The following GPR39 variants were observed in gnomAD, a reference collection of about 807,000 sequenced individuals.
The protein encoded by GPR39 is zinc sensing receptor.
A neutral mutation model predicts 18.4 loss-of-function variants in GPR39; 23 were observed. That is an observed-to-expected ratio of 1.25 (90% CI 0.90 to 1.77). The LOEUF (loss-of-function observed/expected upper bound fraction) is 1.77, where lower values mean the gene tolerates loss of function less well. Among genes scored for constraint, GPR39 ranks in the 40% most tolerant of loss-of-function variants. The pLI is 0.00. For missense variants in GPR39, 647 were observed against 602.4 expected, an observed-to-expected ratio of 1.07 and a Z score of -0.78; for synonymous variants, 280 against 257.9, an observed-to-expected ratio of 1.09 and a Z score of -0.82.
At chr2:132,450,102 T>C (rs539791867) in intron 1 of GPR39, among the ~76,000 whole-genome samples, 2 of 152,334 alleles carry the variant, frequency 1.3e-5, no homozygotes, top group South Asian at 2.1e-4. Context: ...TGTTCCAATA[T>C]ACTTTGCTTA....
chr2:132,530,139 C>G (rs1022414760), intron 1 of GPR39, among the ~76,000 whole-genome samples: 25 of 152,052 alleles, frequency 1.6e-4, no homozygotes, highest in African/African-American at 5.8e-4. Flanking sequence ...ACTAGAATAA[C>G]CAATGCAGAG....
chr2:132,601,675 C>G (rs191103594), intron 1 of GPR39, among the ~76,000 whole-genome samples: 11 of 152,116 alleles, frequency 7.2e-5, no homozygotes, highest in African/African-American at 2.4e-4. Flanking sequence ...ATAGGAAAGC[C>G]TAAAGACTTC....
intron 1 of GPR39, among the ~76,000 whole-genome samples, chr2:132,534,343 G>A (rs1679701544): frequency 6.6e-6 from 1 of 150,500 alleles, no homozygotes; most frequent in Admixed American, 6.7e-5. Context: ...GAAACAACAG[G>A]TGCTGGAGAG....
At chr2:132,638,247 C>T (rs916620724) in intron 1 of GPR39, among the ~76,000 whole-genome samples, 2 of 152,108 alleles carry the variant, frequency 1.3e-5, no homozygotes, top group Admixed American at 6.5e-5. Context: ...GAGTTTGGAG[C>T]TACCGTCTGC....
intron 1 of GPR39, among the ~76,000 whole-genome samples, chr2:132,544,989 G>C (rs181966968): frequency 4.0e-4 from 61 of 152,340 alleles, no homozygotes; most frequent in Middle Eastern, 3.4e-3. Flanking sequence ...GGTGAAGCGT[G>C]GGGAACAATC....
rs760895092 is a variant in GPR39, at chr2:132,646,259, C to T, written c.*653C>T. The T allele has an allele frequency of 2.6e-6, 4 of 1,562,778 alleles. No homozygotes were observed. The South Asian group carries it at 4.8e-5, about 19-fold the overall frequency. On this transcript the variant is annotated 3_prime_UTR_variant, in exon 2 of 2. Transcript: ENST00000329321. ...GATGAGACAGGCCGCTGATGATGCA[C>T]AGGACTTGCGGTACATGATCCCTGT...
intron 1 of GPR39, among the ~76,000 whole-genome samples, chr2:132,593,607 A>T (rs1680885198): frequency 6.6e-6 from 1 of 152,180 alleles, no homozygotes; most frequent in Admixed American, 6.5e-5. Flanking sequence ...GAACAAATGG[A>T]AAGATGGGGT....
At chr2:132,463,703 T>A (rs1002850899) in intron 1 of GPR39, among the ~76,000 whole-genome samples, 3 of 152,220 alleles carry the variant, frequency 2.0e-5, no homozygotes, top group Non-Finnish European at 2.9e-5. Flanking sequence ...TTATTAGTTA[T>A]GTATTGCTAT....
rs1679978290 is a variant in GPR39 at position 132,420,015 on chromosome 2, T to C, written c.856+2117T>C. ...AAAATCAGAATGCCACAGACTTTTA[T>C]TTAGAGATGGATAGGACCTTGGAGA... On this transcript the variant is annotated intron_variant, in intron 1 of 1. Transcript: ENST00000329321. Among the ~76,000 whole-genome samples the C allele has an allele frequency of 1.3e-5, 2 of 152,232 alleles. 1 individual carries two copies. The highest frequency in any genetic ancestry group is 1.3e-4 in the Admixed American group (2 of 15,288).
intron 1 of GPR39, among the ~76,000 whole-genome samples, chr2:132,469,768 G>A (rs1483441396): frequency 1.3e-5 from 2 of 152,176 alleles, no homozygotes; most frequent in African/African-American, 2.4e-5. Flanking sequence ...AGCCTCTCCC[G>A]AGCACCTGCT....
At chr2:132,465,308 A>G (rs949884243) in intron 1 of GPR39, among the ~76,000 whole-genome samples, 4 of 152,202 alleles carry the variant, frequency 2.6e-5, no homozygotes, top group Admixed American at 6.5e-5. Context: ...CCTTGCTTCT[A>G]AACCAGGTGT....
intron 1 of GPR39, among the ~76,000 whole-genome samples, chr2:132,633,590 C>G (rs1681691841): frequency 6.6e-6 from 1 of 152,112 alleles, no homozygotes; most frequent in Admixed American, 6.5e-5. Context: ...TCCTGTGGTT[C>G]TAGTCAGCCT....
chr2:132,513,394 C>T (rs1210367837), intron 1 of GPR39, among the ~76,000 whole-genome samples: 2 of 151,736 alleles, frequency 1.3e-5, no homozygotes, highest in Non-Finnish European at 2.9e-5. Context: ...ACCTGGGAGG[C>T]GGAGTTTGCA....
intron 1 of GPR39, among the ~76,000 whole-genome samples, chr2:132,625,960 CGTG>C (rs1235600968): frequency 6.6e-6 from 1 of 151,818 alleles, no homozygotes; most frequent in Non-Finnish European, 1.5e-5. Flanking sequence ...ATTATCTGGG[CGTG>C]GTGGTGGGTG....
chr2:132,432,269 G>A (rs568045593), intron 1 of GPR39, among the ~76,000 whole-genome samples: 31 of 152,232 alleles, frequency 2.0e-4, no homozygotes, highest in Middle Eastern at 3.4e-3. Flanking sequence ...CTGACTTCTC[G>A]CTGTGTCCTC....
In GPR39 at chr2:132,645,686, T is replaced by G. The variant is rs1682030283; in HGVS notation, c.*80T>G. On this transcript the variant is annotated 3_prime_UTR_variant, in exon 2 of 2. Coordinates refer to ENST00000329321, the MANE Select transcript of GPR39 (RefSeq NM_001508.3). ...TCACTCTCACTCTGCAGTCTCAAACTATGCCCCCATCAGGGATGGAATGGA... is the reference window on the plus strand; with the variant it reads ...TCACTCTCACTCTGCAGTCTCAAACGATGCCCCCATCAGGGATGGAATGGA... 2.0e-6 allele frequency: 3 copies of G among 1,518,122 alleles called. No individual in the cohort carries two copies. Among genetic ancestry groups the G allele is most frequent in the Non-Finnish European group, 2.6e-6 (3 of 1,132,086 alleles). The allele number at this position is 1,518,122 out of a possible 1,614,324, so 94.0% of individuals were successfully genotyped here. A position where few individuals can be genotyped will look rare whatever the true frequency, so the allele number is the denominator to read the frequency against.
At chr2:132,545,653 GGCGTGTGTGTGT>G (rs1679934831) in intron 1 of GPR39, among the ~76,000 whole-genome samples, 1 of 134,684 alleles carries the variant, frequency 7.4e-6, no homozygotes, top group East Asian at 2.5e-4. Context: ...ATGTGTGATG[GGCGTGTGTGTGT>G]GTGTGTGTGT....
intron 1 of GPR39, among the ~76,000 whole-genome samples, chr2:132,493,839 G>T (rs576486077): frequency 1.2e-4 from 18 of 152,140 alleles, no homozygotes; most frequent in African/African-American, 3.9e-4. Context: ...CAGAGACCTA[G>T]GGTGTGTTGA....
chr2:132,531,716 C>T (rs1213672654), intron 1 of GPR39, among the ~76,000 whole-genome samples: 1 of 152,226 alleles, frequency 6.6e-6, no homozygotes, highest in Non-Finnish European at 1.5e-5. Flanking sequence ...TGCTCAACTA[C>T]ATGGAAACTG....
Sources: allele counts gnomAD v4.1 joint callset (sites outside exome capture counted in the v4.1 genomes callset), GRCh38; gene constraint gnomAD v4.1.1; transcripts MANE v1.5; gene names NCBI Gene and HGNC (gene_info 2026-07-23, HGNC 2026-07-21).